The following NFATC2 variants were observed in gnomAD, a reference collection of about 807,000 sequenced individuals.
NFATC2 encodes nuclear factor of activated T-cells, cytoplasmic 2.
NFATC2 carries 22 observed loss-of-function variants against 87.3 expected under a neutral mutation model. The observed-to-expected ratio is 0.25, with a 90% CI of 0.18 to 0.36. The LOEUF is 0.36. NFATC2 is among the 10% of genes least tolerant of loss of function. The pLI is 1.00. For missense variants in NFATC2, 1,149 were observed against 1,259.1 expected, an observed-to-expected ratio of 0.91 and a Z score of 1.32; for synonymous variants, 565 against 542.2, an observed-to-expected ratio of 1.04 and a Z score of -0.58.
chr20:51,531,990 C>G (rs1352835905), intron 1 of NFATC2, among the ~76,000 whole-genome samples: 1 of 152,196 alleles, frequency 6.6e-6, no homozygotes, highest in African/African-American at 2.4e-5. Context: ...AACGTGCTTC[C>G]AACACCCTCT....
At chr20:51,444,375 C>T (rs558671469) in intron 6 of NFATC2, among the ~76,000 whole-genome samples, 27 of 151,676 alleles carry the variant, frequency 1.8e-4, no homozygotes, top group Admixed American at 2.0e-4. Context: ...CTAACCAGCC[C>T]GTTTGCTGAT....
chr20:51,452,114 A>G (rs1006246426), intron 6 of NFATC2, among the ~76,000 whole-genome samples: 2 of 151,894 alleles, frequency 1.3e-5, no homozygotes, highest in Non-Finnish European at 2.9e-5. Context: ...TACCTTCATC[A>G]TCTCTGATCC....
intron 10 of NFATC2, among the ~76,000 whole-genome samples, chr20:51,398,425 T>C (rs1375209324): frequency 1.3e-5 from 2 of 152,078 alleles, no homozygotes; most frequent in African/African-American, 4.8e-5. Context: ...TAATGGGGCC[T>C]CATCCCCCCT....
intron 9 of NFATC2, among the ~76,000 whole-genome samples, chr20:51,423,277 G>A (rs1250065999): frequency 2.7e-5 from 3 of 111,862 alleles, no homozygotes; most frequent in African/African-American, 1.1e-4. Flanking sequence ...GTGACAGAGT[G>A]AGAGACCCTC....
intron 1 of NFATC2, among the ~76,000 whole-genome samples, chr20:51,527,190 C>T (rs961729256): frequency 5.3e-5 from 8 of 152,092 alleles, no homozygotes; most frequent in Non-Finnish European, 8.8e-5. Flanking sequence ...CGAGAACAAC[C>T]GTGTCTGGCA....
At chr20:51,553,816 A>G (rs1050037043) in intron 1 of NFATC2, among the ~76,000 whole-genome samples, 2 of 151,708 alleles carry the variant, frequency 1.3e-5, no homozygotes, top group Non-Finnish European at 2.9e-5. Flanking sequence ...GTAGAACCTC[A>G]AGGGGCAGGG....
At chr20:51,450,352 T>C (rs982963179) in intron 6 of NFATC2, among the ~76,000 whole-genome samples, 8 of 152,108 alleles carry the variant, frequency 5.3e-5, no homozygotes, top group South Asian at 2.1e-4. Context: ...TCCTGAGTAA[T>C]GAATATCACA....
At chr20:51,413,038 G>C (rs1979512095) in intron 9 of NFATC2, among the ~76,000 whole-genome samples, 2 of 142,284 alleles carry the variant, frequency 1.4e-5, no homozygotes, top group South Asian at 4.6e-4. Flanking sequence ...CGAGTACAGT[G>C]TCCTGCTCTC....
chr20:51,500,413 A>T (rs573452077), intron 3 of NFATC2, among the ~76,000 whole-genome samples: 54 of 152,148 alleles, frequency 3.5e-4, no homozygotes, highest in Non-Finnish European at 6.5e-4. Context: ...TGGAACTCCC[A>T]CCTCAAAGTG....
chr20:51,396,039 T>TC (rs1987048646), intron 10 of NFATC2, among the ~76,000 whole-genome samples: 2 of 524 alleles, frequency 3.8e-3, no homozygotes, highest in African/African-American at 0.014. Flanking sequence ...TCCTAGTATG[T>TC]ATATATATAT....
rs543941364 is a variant in NFATC2 at position 51,530,871 on chromosome 20, A to C, written c.131-6761T>G. On this transcript the variant is annotated intron_variant, in intron 1 of 10. Transcript: ENST00000371564. The stretch of plus-strand genomic sequence containing the variant: ...ACACTCCCAGGTCCCACAGAGTCCC[A>C]CATTGAAGTCTATCTATGGATTCAC... Among the ~76,000 whole-genome samples the C allele has an allele frequency of 8.7e-4, 133 of 152,260 alleles. 1 individual carries two copies. The highest frequency in any genetic ancestry group is 3.0e-3 in the African/African-American group (123 of 41,552).
rs1212453210 is a variant in NFATC2 at position 51,523,821 on chromosome 20, C to A, written c.420G>T (p.Pro140=). The A allele has an allele frequency of 2.5e-6, 4 of 1,608,446 alleles. No individual in the cohort carries two copies. In the African/African-American group the frequency reaches 4.0e-5, roughly 16 times the overall value. The part of the protein sequence containing the change: ...MRDAGLLVEQ[P]PLAGVAASPR... ...GGCTGGCGGCCACCCCGGCCAGGGG[C>A]GGCTGCTCCACCAGGAGGCCCGCGT... The change falls in exon 2 of 11, where the codon CCG becomes CCT. Residue 140 remains proline, a synonymous_variant. Transcript: ENST00000371564. This position sits in a 1 kb window ranked among gnomAD's most constrained non-coding sequence, Gnocchi z 6.9.
chr20:51,454,494 G>C (rs1305762060), intron 6 of NFATC2, 54 bp downstream of exon 6: 2 of 1,598,212 alleles, frequency 1.3e-6, no homozygotes, highest in Admixed American at 3.4e-5. Context: ...ATAAAGAGAT[G>C]GTCACTTTTG....
intron 3 of NFATC2, among the ~76,000 whole-genome samples, chr20:51,484,558 T>C (rs773659610): frequency 7.3e-5 from 11 of 151,614 alleles, no homozygotes; most frequent in Non-Finnish European, 1.5e-4. Flanking sequence ...GAAGGAAGAG[T>C]CTGTGACATC....
upstream of NFATC2, among the ~76,000 whole-genome samples, chr20:51,544,222 C>T (rs905960723): frequency 1.2e-4 from 18 of 151,814 alleles, no homozygotes; most frequent in Non-Finnish European, 2.2e-4. Context: ...CTCCTGACCT[C>T]GTGATCCACC....
At chr20:51,423,291 CA>C (rs71192527) in intron 9 of NFATC2, among the ~76,000 whole-genome samples, 114 of 62,848 alleles carry the variant, frequency 1.8e-3, no homozygotes, top group African/African-American at 6.5e-3. Flanking sequence ...GACCCTCTCT[CA>C]AAAAAAAAAA....
chr20:51,472,160 C>T (rs1164652931), intron 5 of NFATC2, among the ~76,000 whole-genome samples: 1 of 152,174 alleles, frequency 6.6e-6, no homozygotes, highest in Non-Finnish European at 1.5e-5. Context: ...AGGGCTGAGG[C>T]AGGAGAATCA....
At chr20:51,468,318 T>C (rs972528348) in intron 5 of NFATC2, among the ~76,000 whole-genome samples, 16 of 151,834 alleles carry the variant, frequency 1.1e-4, no homozygotes, top group African/African-American at 3.9e-4. Flanking sequence ...TATACCTCCA[T>C]AAAAATATAT....
At chr20:51,462,316 C>T (rs1014850036) in intron 5 of NFATC2, among the ~76,000 whole-genome samples, 13 of 150,894 alleles carry the variant, frequency 8.6e-5, no homozygotes, top group Non-Finnish European at 1.5e-4. Flanking sequence ...CATGATGGCA[C>T]GCACCTGTAA....
Sources: allele counts gnomAD v4.1 joint callset (sites outside exome capture counted in the v4.1 genomes callset), GRCh38; gene constraint gnomAD v4.1.1; non-coding constraint Gnocchi (gnomAD v3.1); transcripts MANE v1.5; gene names NCBI Gene and HGNC (gene_info 2026-07-23, HGNC 2026-07-21).